MTA3: variants seen among roughly 807,000 people sequenced by gnomAD.
MTA3 encodes the protein metastasis-associated protein MTA3.
A neutral mutation model predicts 83.5 loss-of-function variants in MTA3; 34 were observed. The observed-to-expected ratio is 0.41, with a 90% CI of 0.31 to 0.54. MTA3 has a LOEUF of 0.54. Ranked by LOEUF, MTA3 falls within the 20% of genes least tolerant of loss-of-function variation. The pLI is 0.33. For missense variants in MTA3, 761 were observed against 726.4 expected, an observed-to-expected ratio of 1.05 and a Z score of -0.55; for synonymous variants, 303 against 252.7, an observed-to-expected ratio of 1.20 and a Z score of -1.89.
At position 42,755,039 on chromosome 2, in the gene MTA3, G is replaced by A; in HGVS notation, c.*1640G>A. ...GGCGCTGAGGGTGGGGCCTGTGTCA[G>A]AAGCATTTGGTGAGAGGGGTGGAGG... On this transcript the variant is annotated 3_prime_UTR_variant, in exon 17 of 17. Coordinates refer to ENST00000405094, the MANE Select transcript of MTA3 (RefSeq NM_001330442.2). 1 of 985,694 alleles carries A rather than the reference G, an allele frequency of 1.0e-6. No individual in the cohort carries two copies. Among genetic ancestry groups the A allele is most frequent in the Non-Finnish European group, 1.2e-6 (1 of 830,172 alleles). 61.1% of individuals were successfully genotyped at this position (985,694 alleles called of 1,614,324 possible). A position where few individuals can be genotyped will look rare whatever the true frequency, so the allele number is the denominator to read the frequency against.
intron 6 of MTA3, among the ~76,000 whole-genome samples, chr2:42,649,011 A>G (rs1289620168): frequency 1.3e-5 from 2 of 152,142 alleles, no homozygotes; most frequent in Non-Finnish European, 1.5e-5. Flanking sequence ...TATCGTTGCG[A>G]TGAGCAAATG....
At chr2:42,672,415 G>A (rs542898876) in intron 8 of MTA3, among the ~76,000 whole-genome samples, 2 of 151,532 alleles carry the variant, frequency 1.3e-5, no homozygotes, top group East Asian at 3.9e-4. Flanking sequence ...GGCCGAGGCG[G>A]GTGGATCACT....
chr2:42,644,412 G>C (rs1276818855), intron 6 of MTA3, among the ~76,000 whole-genome samples, 168 bp downstream of exon 6: 3 of 152,144 alleles, frequency 2.0e-5, no homozygotes, highest in African/African-American at 7.2e-5. Flanking sequence ...AATAAATAGA[G>C]ATGAGGCCTC....
intron 3 of MTA3, among the ~76,000 whole-genome samples, chr2:42,583,619 C>A (rs1269411429): frequency 6.6e-6 from 1 of 151,592 alleles, no homozygotes; most frequent in Non-Finnish European, 1.5e-5. Flanking sequence ...CTGCAGCCTT[C>A]CCTGGTTCAA....
chr2:42,700,399 A>G (rs1279622690), intron 11 of MTA3, among the ~76,000 whole-genome samples: 1 of 152,184 alleles, frequency 6.6e-6, no homozygotes, highest in African/African-American at 2.4e-5. Flanking sequence ...AACATATTTT[A>G]TGTGATTCAC....
intron 9 of MTA3, among the ~76,000 whole-genome samples, chr2:42,694,508 C>A (rs1017211741): frequency 1.3e-5 from 2 of 152,130 alleles, no homozygotes; most frequent in Non-Finnish European, 1.5e-5. Context: ...TACTGGCTGA[C>A]CCCAGCATGG....
chr2:42,652,438 C>G (rs1361860320), intron 6 of MTA3, among the ~76,000 whole-genome samples: 1 of 152,052 alleles, frequency 6.6e-6, no homozygotes, highest in Non-Finnish European at 1.5e-5. Flanking sequence ...TTATTGATCT[C>G]AGAATAGCCA....
At chr2:42,672,846 C>CTTT (rs70963344) in intron 8 of MTA3, among the ~76,000 whole-genome samples, 2 of 114,356 alleles carry the variant, frequency 1.7e-5, no homozygotes, top group Non-Finnish European at 3.5e-5. Context: ...GTATAAAAAG[C>CTTT]TTTTTTTTTT....
chr2:42,697,220 G>T (rs17029847), intron 10 of MTA3, among the ~76,000 whole-genome samples: 1,931 of 152,156 alleles, frequency 0.013, 38 homozygotes, highest in African/African-American at 0.043. Flanking sequence ...CTCCTAATTG[G>T]TTCCAGTAGA....
intron 14 of MTA3, among the ~76,000 whole-genome samples, chr2:42,710,610 G>A (rs186857336): frequency 7.9e-4 from 119 of 151,586 alleles, no homozygotes; most frequent in Middle Eastern, 6.8e-3. Context: ...CACAGAAGGG[G>A]GATTACTATA....
At chr2:42,725,554 A>T (rs142840340) in intron 16 of MTA3, among the ~76,000 whole-genome samples, 1 of 152,366 alleles carries the variant, frequency 6.6e-6, no homozygotes, top group African/African-American at 2.4e-5. Flanking sequence ...AACAGCCACC[A>T]TTCTCAGGGT....
intron 8 of MTA3, among the ~76,000 whole-genome samples, chr2:42,661,294 T>A (rs2104376672): frequency 6.6e-6 from 1 of 151,872 alleles, no homozygotes; most frequent in Middle Eastern, 3.4e-3. Context: ...AGCTCAGGAG[T>A]TTGATACCAA....
intron 2 of MTA3, among the ~76,000 whole-genome samples, chr2:42,506,745 C>T (rs1242869288): frequency 6.6e-6 from 1 of 151,772 alleles, no homozygotes; most frequent in African/African-American, 2.4e-5. Context: ...GTAGCTGGGA[C>T]TACAGGCACA....
At chr2:42,710,696 G>A (rs972228198) in intron 14 of MTA3, among the ~76,000 whole-genome samples, 12 of 151,988 alleles carry the variant, frequency 7.9e-5, no homozygotes, top group Non-Finnish European at 1.5e-4. Flanking sequence ...ATGGACTTAC[G>A]TTACCACTTT....
At position 42,519,013 on chromosome 2, in the gene MTA3, ACACACACACACAC is replaced by A; in HGVS notation, c.-141+23760_-141+23772del. ...CACACACACACACACACACACACAC[ACACACACACACAC>A]ACACGAATATAGTATGGAAAGGTGG... On this transcript the variant is annotated intron_variant, in intron 2 of 17. Transcript: ENST00000405592. 2.1e-5 allele frequency among the ~76,000 whole-genome samples: 3 copies of A among 139,958 alleles called. No homozygotes were observed. In the South Asian group the frequency reaches 6.8e-4, roughly 32 times the overall value. 91.8% of individuals were successfully genotyped at this position (139,958 alleles called of 152,430 possible). A position where few individuals can be genotyped will look rare whatever the true frequency, so the allele number is the denominator to read the frequency against.
intron 3 of MTA3, among the ~76,000 whole-genome samples, chr2:42,598,972 G>A (rs1682199613): frequency 1.3e-5 from 2 of 152,276 alleles, no homozygotes; most frequent in Non-Finnish European, 2.9e-5. Context: ...GTTGGAAAAT[G>A]GTCATCTGAA....
At chr2:42,706,785 T>C (rs1274555111) in intron 12 of MTA3, among the ~76,000 whole-genome samples, 2 of 152,126 alleles carry the variant, frequency 1.3e-5, no homozygotes, top group African/African-American at 4.8e-5. Flanking sequence ...ATCATCTGAG[T>C]TTTAGGCCTC....
chr2:42,514,622 G>T (rs1036054505), intron 2 of MTA3, among the ~76,000 whole-genome samples: 1 of 149,468 alleles, frequency 6.7e-6, no homozygotes, highest in South Asian at 2.1e-4. Context: ...GACCTCAAGC[G>T]ATCTGCCCAC....
chr2:42,506,754 C>T (rs1046200052), intron 2 of MTA3, among the ~76,000 whole-genome samples: 1 of 151,874 alleles, frequency 6.6e-6, no homozygotes, highest in African/African-American at 2.4e-5. Flanking sequence ...ACTACAGGCA[C>T]AGACCACCAC....
Sources: allele counts gnomAD v4.1 joint callset (sites outside exome capture counted in the v4.1 genomes callset), GRCh38; gene constraint gnomAD v4.1.1; transcripts MANE v1.5; gene names NCBI Gene and HGNC (gene_info 2026-07-23, HGNC 2026-07-21).